Variants in SIRPG observed in about 807,000 individuals in gnomAD.
The protein encoded by SIRPG is signal-regulatory protein gamma.
Under a neutral mutation model 35.7 loss-of-function variants are expected in SIRPG, and 38 were observed. The observed-to-expected ratio is 1.06, with a 90% CI of 0.82 to 1.40. SIRPG has a LOEUF of 1.40. Among genes scored for constraint, SIRPG ranks in the 40% most tolerant of loss-of-function variants. SIRPG has a pLI of 0.00. For synonymous variants in SIRPG, 215 were observed against 190.4 expected (o/e 1.13, Z -1.06); for missense variants, 519 against 483.0 (o/e 1.07, Z -0.70).
the SIRPG span, among the ~76,000 whole-genome samples, chr20:1,674,018 T>C: frequency 6.6e-6 from 1 of 152,208 alleles, no homozygotes; most frequent in African/African-American, 2.4e-5. Context: ...CCTTCTGAGA[T>C]GTCTCTGGCC....
At chr20:1,668,322 G>A in the SIRPG span, among the ~76,000 whole-genome samples, 107 of 142,558 alleles carry the variant, frequency 7.5e-4, no homozygotes, top group Middle Eastern at 7.9e-3. Context: ...TTGCTCTGTC[G>A]CCCAGGCTGG....
In SIRPG at chr20:1,636,304, G is replaced by A. The variant is rs758047919; in HGVS notation, c.632C>T (p.Ala211Val). ...QSVAYSIRST[A>V]RVVLDPWDVR... ...GTCCCAGGGGTCCAGTACCACCCTG[G>A]CTGTGCTGCGGATGCTGTAGGCCAC... The change falls in exon 3 of 6, where the codon GCC (alanine) becomes GTC (valine). Residue 211 changes from alanine to valine, a missense_variant. By Grantham distance (64) the Ala-to-Val change is moderately conservative. Coordinates refer to ENST00000303415, the MANE Select transcript of SIRPG (RefSeq NM_018556.4). 6 of 1,614,224 alleles carry A rather than the reference G, an allele frequency of 3.7e-6. No homozygotes were observed. The highest frequency in any genetic ancestry group is 5.1e-6 in the Non-Finnish European group (6 of 1,180,032).
the SIRPG span, among the ~76,000 whole-genome samples, chr20:1,670,656 A>G: frequency 6.6e-6 from 1 of 152,190 alleles, no homozygotes; most frequent in Non-Finnish European, 1.5e-5. Flanking sequence ...CAAGCTAGCA[A>G]GCTATCTATC....
At chr20:1,680,878 T>G in the SIRPG span, among the ~76,000 whole-genome samples, 1 of 152,248 alleles carries the variant, frequency 6.6e-6, no homozygotes, top group African/African-American at 2.4e-5. Context: ...TAATTTACTA[T>G]TTTATTTACC....
chr20:1,666,828 TA>T, the SIRPG span, among the ~76,000 whole-genome samples: 1 of 152,074 alleles, frequency 6.6e-6, no homozygotes, highest in African/African-American at 2.4e-5. Flanking sequence ...TGTACCATTT[TA>T]AAAAATATTT....
At chr20:1,632,619 T>C (rs2091760211) in intron 4 of SIRPG, among the ~76,000 whole-genome samples, 1 of 152,026 alleles carries the variant, frequency 6.6e-6, no homozygotes, top group Non-Finnish European at 1.5e-5. Flanking sequence ...GAAGTAAAAC[T>C]ATGAACCCTA....
intron 2 of SIRPG, among the ~76,000 whole-genome samples, chr20:1,642,054 A>G (rs2091856575): frequency 6.6e-6 from 1 of 152,244 alleles, no homozygotes; most frequent in East Asian, 1.9e-4. Context: ...GGCACTGAGA[A>G]CAATGTGTTT....
At chr20:1,648,960 A>G (rs6110777) in intron 2 of SIRPG, 92 bp downstream of exon 2, 503,591 of 1,229,986 alleles carry the variant, frequency 0.41, 106,333 homozygotes, top group East Asian at 0.63. Flanking sequence ...AGCACTGAAA[A>G]TCACACCTGA....
chr20:1,668,126 T>G, the SIRPG span, among the ~76,000 whole-genome samples: 1 of 151,552 alleles, frequency 6.6e-6, no homozygotes, highest in African/African-American at 2.4e-5. Context: ...CCTTTCTTTC[T>G]TTTTCTTTCT....
the SIRPG span, among the ~76,000 whole-genome samples, chr20:1,663,014 C>CAA: frequency 2.2e-5 from 3 of 139,460 alleles, no homozygotes; most frequent in Middle Eastern, 3.4e-3. Context: ...TTTGACTTTT[C>CAA]AAAAAAAAAA....
upstream of SIRPG, among the ~76,000 whole-genome samples, chr20:1,660,506 A>G (rs2091993277): frequency 6.6e-6 from 1 of 152,228 alleles, no homozygotes; most frequent in African/African-American, 2.4e-5. Flanking sequence ...TGACTCAAAA[A>G]TGCATAGTAT....
At chr20:1,684,542 T>A in the SIRPG span, among the ~76,000 whole-genome samples, 1 of 152,198 alleles carries the variant, frequency 6.6e-6, no homozygotes, top group Non-Finnish European at 1.5e-5. Context: ...ATTTGGCACA[T>A]AAAAGTCATC....
chr20:1,666,581 A>C, the SIRPG span: 1 of 152,362 alleles, frequency 6.6e-6, no homozygotes, highest in East Asian at 1.9e-4. Flanking sequence ...CAGCAGTAGG[A>C]TCATACCTGT....
At chr20:1,684,754 T>A in the SIRPG span, among the ~76,000 whole-genome samples, 2 of 152,254 alleles carry the variant, frequency 1.3e-5, 1 homozygote, top group Non-Finnish European at 2.9e-5. Flanking sequence ...GCTGCTCCAC[T>A]GACTGAGGTA....
intron 1 of SIRPG, among the ~76,000 whole-genome samples, chr20:1,650,382 C>A (rs2091933472): frequency 6.6e-6 from 1 of 151,960 alleles, no homozygotes; most frequent in Non-Finnish European, 1.5e-5. Context: ...AACACATTCA[C>A]AAAACAAGAA....
chr20:1,654,236 T>TAA (rs78737562), intron 1 of SIRPG, among the ~76,000 whole-genome samples: 4 of 115,476 alleles, frequency 3.5e-5, no homozygotes, highest in Non-Finnish European at 5.5e-5. Flanking sequence ...AGACTGCATC[T>TAA]AAAAAAAAAA....
rs117896874 is a variant in SIRPG at position 1,630,974 on chromosome 20, G to A, written c.1082-668C>T. 7.6e-3 allele frequency: 1,152 copies of A among 152,220 alleles called. 11 individuals carry two copies. Among genetic ancestry groups the A allele is most frequent in the South Asian group, 0.029 (142 of 4,820 alleles). The allele number at this position is 152,220 out of a possible 1,614,324, so 9.4% of individuals were successfully genotyped here. A position where few individuals can be genotyped will look rare whatever the true frequency, so the allele number is the denominator to read the frequency against. On this transcript the variant is annotated intron_variant, in intron 4 of 5. Coordinates refer to ENST00000303415, the MANE Select transcript of SIRPG (RefSeq NM_018556.4). ...GGTGAGTCACGGAAATGGGTCTCAT[G>A]CTTGGGAGGGCCTCAGATGTCACCT...
At chr20:1,650,024 A>G (rs1395722891) in intron 1 of SIRPG, among the ~76,000 whole-genome samples, 2 of 144,708 alleles carry the variant, frequency 1.4e-5, no homozygotes, top group African/African-American at 5.0e-5. Context: ...ATATATATAT[A>G]TATGTCATAT....
intron 4 of SIRPG, among the ~76,000 whole-genome samples, chr20:1,632,911 A>T (rs1350481618): frequency 6.6e-6 from 1 of 152,166 alleles, no homozygotes; most frequent in African/African-American, 2.4e-5. Flanking sequence ...AGTGCAAAAA[A>T]TGAATAAACT....
Sources: allele counts gnomAD v4.1 joint callset (sites outside exome capture counted in the v4.1 genomes callset), GRCh38; gene constraint gnomAD v4.1.1; transcripts MANE v1.5; gene names NCBI Gene and HGNC (gene_info 2026-07-23, HGNC 2026-07-21).